The following RPGRIP1L variants were observed in gnomAD, a reference collection of about 807,000 sequenced individuals.
RPGRIP1L encodes protein fantom.
A neutral mutation model predicts 160.4 loss-of-function variants in RPGRIP1L; 131 were observed. The ratio of observed to expected loss-of-function variants is 0.82; its 90% CI spans 0.71 to 0.94. The LOEUF (loss-of-function observed/expected upper bound fraction) is 0.94, where lower values mean the gene tolerates loss of function less well. Ranked by LOEUF, RPGRIP1L falls within the 40% of genes least tolerant of loss-of-function variation. The pLI is 0.00. For missense variants in RPGRIP1L, 1,522 were observed against 1,535.8 expected (o/e 0.99, Z 0.15); for synonymous variants, 510 against 515.8 (o/e 0.99, Z 0.15).
chr16:53,600,877 T>A lies in RPGRIP1L; in HGVS notation c.*1199A>T, dbSNP rs527496153. ...AGAGATTTAATATATCACGGCAAAT[T>A]AGGTAGATTTTAATAAATTACTTAT... On this transcript the variant is annotated 3_prime_UTR_variant, in exon 27 of 27. Transcript: ENST00000647211. 4.6e-5 allele frequency: 7 copies of A among 152,772 alleles called. No individual in the cohort carries two copies. Among genetic ancestry groups the A allele is most frequent in the Admixed American group, 4.6e-4 (7 of 15,310 alleles). 9.5% of individuals were successfully genotyped at this position (152,772 alleles called of 1,614,324 possible).
chr16:53,685,106 TA>T (rs1969907016), intron 6 of RPGRIP1L, among the ~76,000 whole-genome samples: 1 of 148,942 alleles, frequency 6.7e-6, no homozygotes, highest in East Asian at 2.0e-4. Flanking sequence ...CAAAAAAACA[TA>T]AAAAAAAAGC....
intron 6 of RPGRIP1L, among the ~76,000 whole-genome samples, chr16:53,684,355 A>T (rs1969832763): frequency 6.6e-6 from 1 of 152,322 alleles, no homozygotes; most frequent in African/African-American, 2.4e-5. Context: ...AATGTCCAAC[A>T]ATGATAGACT....
At chr16:53,666,994 G>A (rs1233410539) in intron 9 of RPGRIP1L, among the ~76,000 whole-genome samples, 3 of 152,156 alleles carry the variant, frequency 2.0e-5, no homozygotes, top group African/African-American at 4.8e-5. Context: ...AGAGCCATCT[G>A]TGTAACTATA....
intron 9 of RPGRIP1L, among the ~76,000 whole-genome samples, chr16:53,670,796 T>C (rs768863641): frequency 7.9e-4 from 120 of 152,250 alleles, no homozygotes; most frequent in Middle Eastern, 3.4e-3. Flanking sequence ...TATTACTTTA[T>C]ACATTTAAAA....
chr16:53,665,104 T>C, intron 9 of RPGRIP1L, 95 bp from the exon 10 acceptor site: 1 of 1,418,686 alleles, frequency 7.0e-7, no homozygotes, highest in Non-Finnish European at 9.8e-7. Flanking sequence ...GAGACCACTG[T>C]CATCATGTCT....
intron 21 of RPGRIP1L, among the ~76,000 whole-genome samples, chr16:53,637,284 C>A (rs1411913712): frequency 6.6e-6 from 1 of 152,156 alleles, no homozygotes; most frequent in Admixed American, 6.6e-5. Context: ...TTCTGCCCCT[C>A]CCCATTCCTA....
chr16:53,612,172 C>T (rs947198775), intron 24 of RPGRIP1L, among the ~76,000 whole-genome samples: 6 of 152,128 alleles, frequency 3.9e-5, no homozygotes, highest in East Asian at 1.9e-4. Flanking sequence ...ATAAAGGTAC[C>T]GGTATAGGGG....
At position 53,638,176 on chromosome 16, in the gene RPGRIP1L, C is replaced by T. The variant is rs1965962114; in HGVS notation, c.3060+134G>A. 4 of 666,720 alleles carry T rather than the reference C, an allele frequency of 6.0e-6. 1 individual carries two copies. Among genetic ancestry groups the T allele is most frequent in the South Asian group, 3.6e-5 (2 of 55,874 alleles). 41.3% of individuals were successfully genotyped at this position (666,720 alleles called of 1,614,324 possible). On this transcript the variant is annotated intron_variant, in intron 20 of 26. Coordinates refer to ENST00000647211, the MANE Select transcript of RPGRIP1L (RefSeq NM_015272.5). ...GCTGTTACCCTTGTCATATTTTTGA[C>T]TTTCTATTCCAAGGAAGTCATATAT...
intron 24 of RPGRIP1L, among the ~76,000 whole-genome samples, chr16:53,615,577 G>A (rs1964324484): frequency 6.7e-6 from 1 of 148,938 alleles, no homozygotes; most frequent in African/African-American, 2.5e-5. Context: ...GGGTTCAAGC[G>A]ATTCTCCTGC....
chr16:53,683,703 A>G (rs1567876574), intron 6 of RPGRIP1L, among the ~76,000 whole-genome samples: 2 of 150,630 alleles, frequency 1.3e-5, no homozygotes, highest in Non-Finnish European at 3.0e-5. Context: ...AAAAAAAAAA[A>G]AAGAAAAAAA....
intron 10 of RPGRIP1L, 61 bp downstream of exon 10, chr16:53,664,809 G>A: frequency 6.4e-7 from 1 of 1,568,556 alleles, no homozygotes; most frequent in East Asian, 2.2e-5. Context: ...AGTACTGACT[G>A]ATTCAATGAA....
At chr16:53,656,637 T>A (rs1477383605) in intron 13 of RPGRIP1L, 48 bp from the exon 14 acceptor site, 2 of 1,286,598 alleles carry the variant, frequency 1.6e-6, no homozygotes, top group South Asian at 2.4e-5. Context: ...TTAGTTCTAT[T>A]TTCATTATTC....
chr16:53,646,107 A>G (rs1190230999), intron 16 of RPGRIP1L, 104 bp from the exon 17 acceptor site: 18 of 986,656 alleles, frequency 1.8e-5, no homozygotes, highest in African/African-American at 6.5e-5. Context: ...CAAAAGCTGC[A>G]TATTTTCACT....
chr16:53,695,658 TAGAG>T (rs1970698635), intron 3 of RPGRIP1L: 1 of 541,528 alleles, frequency 1.8e-6, no homozygotes, highest in Admixed American at 3.3e-5. Context: ...TCAGAAACAG[TAGAG>T]ACTCTTTGAA....
At chr16:53,624,876 C>T (rs1044492204) in intron 22 of RPGRIP1L, among the ~76,000 whole-genome samples, 38 of 151,840 alleles carry the variant, frequency 2.5e-4, no homozygotes, top group African/African-American at 9.2e-4. Flanking sequence ...CCTGATTCTC[C>T]TGCCTCAGCC....
intron 10 of RPGRIP1L, among the ~76,000 whole-genome samples, chr16:53,663,407 G>T (rs1203769557): frequency 6.6e-6 from 1 of 152,004 alleles, no homozygotes; most frequent in Non-Finnish European, 1.5e-5. Flanking sequence ...TAGGATTCTT[G>T]ATATCTAAGT....
Position 53,662,745 on chromosome 16 carries a change from A to G in RPGRIP1L, c.1243+2125T>C, listed in dbSNP as rs534490317. On this transcript the variant is annotated intron_variant, in intron 10 of 26. Coordinates refer to ENST00000647211, the MANE Select transcript of RPGRIP1L (RefSeq NM_015272.5). The stretch of plus-strand genomic sequence containing the variant: ...GAAAACTTAAATCCTTAGACTTGCA[A>G]ATCTGAGGTATTCAAACAAAAATAA... Among the ~76,000 whole-genome samples, 36 of 152,206 alleles carry G rather than the reference A, an allele frequency of 2.4e-4. No homozygotes were observed. In the South Asian group the frequency reaches 6.6e-3, roughly 28 times the overall value.
At chr16:53,642,236 G>A (rs1225997080) in intron 17 of RPGRIP1L, among the ~76,000 whole-genome samples, 1 of 151,662 alleles carries the variant, frequency 6.6e-6, no homozygotes, top group East Asian at 1.9e-4. Context: ...AGGCTGGAGT[G>A]CAGTGATTAT....
chr16:53,678,481 G>A (rs995245238), intron 6 of RPGRIP1L, among the ~76,000 whole-genome samples: 5 of 152,164 alleles, frequency 3.3e-5, no homozygotes, highest in African/African-American at 1.2e-4. Flanking sequence ...AGTCTAATAT[G>A]AAAGCTTAAG....
Sources: allele counts gnomAD v4.1 joint callset (sites outside exome capture counted in the v4.1 genomes callset), GRCh38; gene constraint gnomAD v4.1.1; transcripts MANE v1.5; gene names NCBI Gene and HGNC (gene_info 2026-07-23, HGNC 2026-07-21).